JPH3: variants seen among roughly 807,000 people sequenced by gnomAD.
JPH3 encodes the protein junctophilin-3.
JPH3 carries 11 observed loss-of-function variants against 59.6 expected under a neutral mutation model. The observed-to-expected ratio is 0.18, with a 90% confidence interval of 0.12 to 0.31. JPH3 has a LOEUF of 0.31. JPH3 is among the 10% of genes least tolerant of loss of function. JPH3 has a pLI of 1.00. For missense variants in JPH3, 1,202 were observed against 1,105.7 expected, an observed-to-expected ratio of 1.09 and a Z score of -1.24; for synonymous variants, 673 against 483.6, an observed-to-expected ratio of 1.39 and a Z score of -5.14.
chr16:87,622,208 C>A (rs1425545334), intron 1 of JPH3, among the ~76,000 whole-genome samples: 1 of 152,184 alleles, frequency 6.6e-6, no homozygotes, highest in African/African-American at 2.4e-5. Context: ...CCTTCCGAGG[C>A]CTCAGCTGGT....
At chr16:87,605,952 C>T (rs1014872873) in intron 1 of JPH3, among the ~76,000 whole-genome samples, 5 of 152,202 alleles carry the variant, frequency 3.3e-5, no homozygotes, top group African/African-American at 1.2e-4. Flanking sequence ...GGCAACATGG[C>T]ATGACAGGAA....
chr16:87,629,736 A>G (rs2031502173), intron 1 of JPH3, among the ~76,000 whole-genome samples: 1 of 152,140 alleles, frequency 6.6e-6, no homozygotes, highest in Admixed American at 6.5e-5. Flanking sequence ...GGGCAGTCAT[A>G]CTACTCTGAG....
intron 2 of JPH3, among the ~76,000 whole-genome samples, chr16:87,660,211 T>C (rs1202467892): frequency 2.0e-5 from 3 of 152,174 alleles, no homozygotes; most frequent in Non-Finnish European, 4.4e-5. Flanking sequence ...GAGAGAACTT[T>C]GCAGGCCAAT....
intron 1 of JPH3, among the ~76,000 whole-genome samples, chr16:87,643,398 G>A (rs2032021684): frequency 6.6e-6 from 1 of 152,080 alleles, no homozygotes; most frequent in Non-Finnish European, 1.5e-5. Flanking sequence ...TTCTTCTGGG[G>A]ATATCAGGTC....
intron 2 of JPH3, among the ~76,000 whole-genome samples, chr16:87,674,188 G>T (rs2033087513): frequency 6.6e-6 from 1 of 152,094 alleles, no homozygotes; most frequent in Non-Finnish European, 1.5e-5. Flanking sequence ...CAAAAAATTA[G>T]CCAGGCGTGG....
At chr16:87,652,596 G>A (rs1597263897) in intron 2 of JPH3, among the ~76,000 whole-genome samples, 1 of 152,212 alleles carries the variant, frequency 6.6e-6, no homozygotes, top group Admixed American at 6.5e-5. Context: ...TCCGAGTAGC[G>A]TGTGGGGAGG....
intron 2 of JPH3, among the ~76,000 whole-genome samples, chr16:87,658,199 A>G (rs1262993369): frequency 6.6e-6 from 1 of 152,150 alleles, no homozygotes; most frequent in Non-Finnish European, 1.5e-5. Flanking sequence ...GGAGCTGGCT[A>G]CTATAGCGAC....
At chr16:87,676,167 G>A (rs1193874526) in intron 2 of JPH3, among the ~76,000 whole-genome samples, 1 of 152,232 alleles carries the variant, frequency 6.6e-6, no homozygotes, top group African/African-American at 2.4e-5. Flanking sequence ...TGTGGCCATG[G>A]AAATGTGCTC....
chr16:87,635,777 C>T (rs922878334), intron 1 of JPH3, among the ~76,000 whole-genome samples: 4 of 152,128 alleles, frequency 2.6e-5, no homozygotes, highest in African/African-American at 7.2e-5. Context: ...TGGGGTCCAC[C>T]CACGTCTTCC....
intron 1 of JPH3, among the ~76,000 whole-genome samples, chr16:87,639,664 C>T (rs1366159816): frequency 1.2e-5 from 1 of 82,642 alleles, no homozygotes; most frequent in African/African-American, 3.5e-5. Flanking sequence ...GCCTGTCCTC[C>T]CTCCTGTCCT....
At chr16:87,605,866 G>A (rs952771575) in intron 1 of JPH3, among the ~76,000 whole-genome samples, 13 of 152,322 alleles carry the variant, frequency 8.5e-5, no homozygotes, top group African/African-American at 3.1e-4. Flanking sequence ...GGGGTATGCG[G>A]TTCTTAGCTC....
At chr16:87,622,282 C>T (rs2150829747) in intron 1 of JPH3, among the ~76,000 whole-genome samples, 1 of 152,330 alleles carries the variant, frequency 6.6e-6, no homozygotes, top group Admixed American at 6.5e-5. Context: ...CCAGAAAGCC[C>T]AGCCATTTCC....
chr16:87,654,468 A>C (rs1269763430), intron 2 of JPH3: 1 of 151,834 alleles, frequency 6.6e-6, no homozygotes, highest in East Asian at 1.9e-4. Context: ...AAAGATGAAC[A>C]CCTCTTTGTG....
Position 87,608,629 on chromosome 16 carries a change from T to A in JPH3, c.382+5101T>A, listed in dbSNP as rs76898365. On this transcript the variant is annotated intron_variant, in intron 1 of 4. Coordinates refer to ENST00000284262, the MANE Select transcript of JPH3 (RefSeq NM_020655.4). ...AGCGCTCCCGGCTGCCTGCCTGGGT[T>A]GGGTGGACGGCTGGACTCACTTTCG... Among the ~76,000 whole-genome samples the A allele has an allele frequency of 2.1e-4, 32 of 152,244 alleles. No homozygotes were observed. In the Middle Eastern group the frequency reaches 0.014, roughly 65 times the overall value.
intron 1 of JPH3, among the ~76,000 whole-genome samples, chr16:87,608,974 C>G (rs2030631541): frequency 6.6e-6 from 1 of 152,236 alleles, no homozygotes; most frequent in African/African-American, 2.4e-5. Context: ...GAGGTCAAGG[C>G]TGCAGTGAGC....
intron 2 of JPH3, among the ~76,000 whole-genome samples, chr16:87,674,741 G>A (rs992309118): frequency 5.3e-5 from 8 of 152,072 alleles, no homozygotes; most frequent in Non-Finnish European, 7.4e-5. Flanking sequence ...AAGAACTTGT[G>A]TTTTACTTTT....
rs375162794 is a variant in JPH3 at position 87,673,146 on chromosome 16, T to A, written c.1161-10996T>A. 2.3e-3 allele frequency among the ~76,000 whole-genome samples: 336 copies of A among 143,158 alleles called. 2 individuals are homozygous for A. The highest frequency in any genetic ancestry group is 8.2e-3 in the African/African-American group (319 of 38,934). The allele number at this position is 143,158 out of a possible 152,430, so 93.9% of individuals were successfully genotyped here. A position where few individuals can be genotyped will look rare whatever the true frequency, so the allele number is the denominator to read the frequency against. On this transcript the variant is annotated intron_variant, in intron 2 of 4. Transcript: ENST00000284262. Reference sequence around the variant, plus strand: ...GGGCGACACAGTGCGACTCTGTCATTAAAAAAAAAAAAAGTTTAAATGTAA... The same window carrying A: ...GGGCGACACAGTGCGACTCTGTCATAAAAAAAAAAAAAAGTTTAAATGTAA...
chr16:87,673,364 G>A (rs1177206628), intron 2 of JPH3, among the ~76,000 whole-genome samples: 1 of 151,918 alleles, frequency 6.6e-6, no homozygotes, highest in African/African-American at 2.4e-5. Flanking sequence ...CGAGGAAACA[G>A]ACCCCCTCGT....
In JPH3 at chr16:87,696,976, G is replaced by A. The variant is rs1255497868; in HGVS notation, c.*316G>A. On this transcript the variant is annotated 3_prime_UTR_variant, in exon 5 of 5. Coordinates refer to ENST00000284262, the MANE Select transcript of JPH3 (RefSeq NM_020655.4). ...CGGCACATCAGTGGTAACAGCGGAC[G>A]TTGTCCTCGTGGTCACACGTCCCGT... is the stretch of plus-strand genomic sequence containing the variant. The A allele has an allele frequency of 8.1e-6, 3 of 371,540 alleles. No homozygotes were observed. Among genetic ancestry groups the A allele is most frequent in the Admixed American group, 3.8e-5 (1 of 26,458 alleles). The allele number at this position is 371,540 out of a possible 1,614,324, so 23.0% of individuals were successfully genotyped here.
Sources: allele counts gnomAD v4.1 joint callset (sites outside exome capture counted in the v4.1 genomes callset), GRCh38; gene constraint gnomAD v4.1.1; transcripts MANE v1.5; gene names NCBI Gene and HGNC (gene_info 2026-07-23, HGNC 2026-07-21).